Variants in ALMS1 observed in about 807,000 individuals in gnomAD.
ALMS1 encodes the protein ALMS1 centrosome and basal body associated protein.
Under a neutral mutation model 352.2 loss-of-function variants are expected in ALMS1, and 271 were observed. That is an observed-to-expected ratio of 0.77 (90% CI 0.70 to 0.85). The LOEUF (loss-of-function observed/expected upper bound fraction) is 0.85. Ranked by LOEUF, ALMS1 falls within the 40% of genes least tolerant of loss-of-function variation. ALMS1 has a pLI of 0.00. For synonymous variants in ALMS1, 1,865 were observed against 1,761.2 expected (o/e 1.06, Z -1.48); for missense variants, 5,445 against 4,870.7 (o/e 1.12, Z -3.51).
chr2:73,531,963 G>T (rs1673925252), intron 11 of ALMS1, among the ~76,000 whole-genome samples: 1 of 152,218 alleles, frequency 6.6e-6, no homozygotes, highest in Admixed American at 6.5e-5. Flanking sequence ...CTCAACATAT[G>T]GGGATTACAA....
intron 1 of ALMS1, among the ~76,000 whole-genome samples, chr2:73,397,195 T>C (rs1409686626): frequency 1.3e-5 from 2 of 152,182 alleles, no homozygotes; most frequent in East Asian, 3.9e-4. Context: ...TCCAGCAATT[T>C]GTCAATTACA....
At chr2:73,566,530 G>T (rs1674804522) in intron 15 of ALMS1, among the ~76,000 whole-genome samples, 1 of 152,210 alleles carries the variant, frequency 6.6e-6, no homozygotes, top group Admixed American at 6.5e-5. Flanking sequence ...ATCATGAATT[G>T]TTTCTGGAAT....
intron 15 of ALMS1, among the ~76,000 whole-genome samples, chr2:73,565,065 C>T (rs1276336961): frequency 6.6e-6 from 1 of 152,212 alleles, no homozygotes; most frequent in African/African-American, 2.4e-5. Flanking sequence ...TCTGAAGAAA[C>T]TTCAACCCAG....
At chr2:73,487,254 G>A (rs948337899) in intron 9 of ALMS1, among the ~76,000 whole-genome samples, 1 of 152,176 alleles carries the variant, frequency 6.6e-6, no homozygotes, top group Non-Finnish European at 1.5e-5. Flanking sequence ...AGCCAGGTGT[G>A]GAGTGGTGAG....
chr2:73,508,996 G>T lies in ALMS1; in HGVS notation c.9540-10779G>T, dbSNP rs550200158. Among the ~76,000 whole-genome samples the T allele has an allele frequency of 5.5e-4, 83 of 151,852 alleles. 1 individual carries two copies. Among genetic ancestry groups the T allele is most frequent in the African/African-American group, 2.0e-3 (81 of 41,450 alleles). ...TGTAATGCTCTTCTTTGTCTTTTTT[G>T]ATCTTTGTTGGTTTAAAGTCTGTTT... On this transcript the variant is annotated intron_variant, in intron 10 of 22. Transcript: ENST00000613296.
intron 10 of ALMS1, among the ~76,000 whole-genome samples, chr2:73,513,109 C>G (rs1245483315): frequency 6.6e-6 from 1 of 152,186 alleles, no homozygotes; most frequent in Non-Finnish European, 1.5e-5. Flanking sequence ...TTGCCAACCT[C>G]TCCCCAGCAA....
Position 73,490,203 on chromosome 2 carries a change from G to C in ALMS1, c.8244G>C (p.Gly2748=), listed in dbSNP as rs1488100564. The change falls in exon 10 of 23, where the codon GGG becomes GGC. Residue 2748 remains glycine, a synonymous_variant. Transcript: ENST00000613296. ...EGSQCTGASV[G]VFNSHFTEEQ... ...GCCAGTGTACTGGAGCATCTGTGGG[G>C]GTATTTAATTCTCATTTCACTGAAG... is the stretch of plus-strand genomic sequence containing the variant. The C allele has an allele frequency of 1.9e-6, 3 of 1,613,912 alleles. No homozygotes were observed. Among genetic ancestry groups the C allele is most frequent in the Non-Finnish European group, 2.5e-6 (3 of 1,179,954 alleles).
rs186556937 is a variant in ALMS1, at chr2:73,489,497, C to T, written c.7675-137C>T. ...TTTTTTGCTTGCTGTGCTCTTTGTCCTGTTATATTATAAAAGAATGACATG... is the reference window on the plus strand; with the variant it reads ...TTTTTTGCTTGCTGTGCTCTTTGTCTTGTTATATTATAAAAGAATGACATG... On this transcript the variant is annotated intron_variant, in intron 9 of 22. Transcript: ENST00000613296. The T allele has an allele frequency of 5.7e-4, 559 of 989,248 alleles. 3 individuals carry two copies. The African/African-American group carries it at 7.5e-3, about 13-fold the overall frequency. 61.3% of individuals were successfully genotyped at this position (989,248 alleles called of 1,614,324 possible).
intron 2 of ALMS1, among the ~76,000 whole-genome samples, chr2:73,415,093 CT>C (rs919063874): frequency 1.2e-4 from 19 of 152,062 alleles, no homozygotes; most frequent in African/African-American, 4.1e-4. Flanking sequence ...GTATCTCAAA[CT>C]TTTTTTCTCC....
intron 11 of ALMS1, among the ~76,000 whole-genome samples, chr2:73,522,438 C>T (rs1673700959): frequency 6.7e-6 from 1 of 149,024 alleles, no homozygotes; most frequent in Non-Finnish European, 1.5e-5. Context: ...ACAAATATTC[C>T]TAAGTTGTCT....
intron 10 of ALMS1, among the ~76,000 whole-genome samples, chr2:73,503,592 A>C (rs1284451493): frequency 2.6e-5 from 4 of 152,200 alleles, no homozygotes; most frequent in Non-Finnish European, 5.9e-5. Flanking sequence ...AGAATGATTT[A>C]TAATCCTTTG....
chr2:73,501,822 T>G (rs371987242), intron 10 of ALMS1, among the ~76,000 whole-genome samples: 5 of 152,116 alleles, frequency 3.3e-5, no homozygotes, highest in East Asian at 1.9e-4. Context: ...GGGATTTTTT[T>G]GGGGATTGTA....
chr2:73,508,838 A>G (rs544833286), intron 10 of ALMS1, among the ~76,000 whole-genome samples: 4 of 152,258 alleles, frequency 2.6e-5, no homozygotes, highest in South Asian at 2.1e-4. Context: ...GTCTCCCACT[A>G]TTACCGTGTG....
chr2:73,507,355 AC>A (rs1344906497), intron 10 of ALMS1, among the ~76,000 whole-genome samples: 4 of 152,182 alleles, frequency 2.6e-5, no homozygotes, highest in Non-Finnish European at 4.4e-5. Flanking sequence ...AAGGAATGGT[AC>A]CAGCTCCTCT....
At chr2:73,470,917 G>C (rs1428978525) in intron 9 of ALMS1, 1 of 151,698 alleles carries the variant, frequency 6.6e-6, no homozygotes, top group African/African-American at 2.4e-5. Flanking sequence ...GGCCACACCT[G>C]TGCTCTTTTG....
In ALMS1 at chr2:73,386,068, G is replaced by A. The variant is rs776932244; in HGVS notation, c.200G>A (p.Ser67Asn). The A allele has an allele frequency of 3.1e-6, 5 of 1,594,846 alleles. No individual in the cohort carries two copies. Among genetic ancestry groups the A allele is most frequent in the East Asian group, 2.3e-5 (1 of 43,748 alleles). Residue 67 changes from serine to asparagine, a missense_variant, in exon 1 of 23, where the codon AGT (serine) becomes AAT (asparagine). Physicochemically the swap from Ser to Asn is conservative, Grantham distance 46. Transcript: ENST00000613296. ...CACTACGGGCCCCAGCATCTGGAAA[G>A]TATAGACGACGAGGAGGACGAGGAG... Reference protein sequence around the residue: ...DSHYGPQHLESIDDEEDEEAK... With the variant: ...DSHYGPQHLENIDDEEDEEAK...
At chr2:73,477,977 C>A (rs1354979227) in intron 9 of ALMS1, among the ~76,000 whole-genome samples, 1 of 152,064 alleles carries the variant, frequency 6.6e-6, no homozygotes, top group Non-Finnish European at 1.5e-5. Flanking sequence ...GTTGCCCTGG[C>A]AATATGTAAC....
chr2:73,438,381 G>C (rs1558644237), intron 7 of ALMS1, among the ~76,000 whole-genome samples: 1 of 152,166 alleles, frequency 6.6e-6, no homozygotes, highest in Non-Finnish European at 1.5e-5. Flanking sequence ...ATCAGGTAAA[G>C]TAGACACACT....
intron 10 of ALMS1, among the ~76,000 whole-genome samples, chr2:73,494,603 A>C (rs535901284): frequency 1.4e-4 from 21 of 152,264 alleles, no homozygotes; most frequent in Non-Finnish European, 2.8e-4. Flanking sequence ...CATGACCTTG[A>C]CGCTTTGAAG....
Sources: allele counts gnomAD v4.1 joint callset (sites outside exome capture counted in the v4.1 genomes callset), GRCh38; gene constraint gnomAD v4.1.1; transcripts MANE v1.5; gene names NCBI Gene and HGNC (gene_info 2026-07-23, HGNC 2026-07-21).